The following FAM120A variants were observed in gnomAD, a reference collection of about 807,000 sequenced individuals.
FAM120A encodes the protein constitutive coactivator of PPAR-gamma-like protein 1.
FAM120A carries 15 observed loss-of-function variants against 109.7 expected under a neutral mutation model. That is an observed-to-expected ratio of 0.14 (90% confidence interval 0.09 to 0.21). The LOEUF (loss-of-function observed/expected upper bound fraction) is 0.21, where lower values mean the gene tolerates loss of function less well. Ranked by LOEUF, FAM120A falls within the 10% of genes least tolerant of loss-of-function variation. The probability of loss-of-function intolerance (pLI) is 1.00; values close to 1 mark genes in which losing one functional copy is unlikely to be tolerated. For missense variants in FAM120A, 899 were observed against 1,439.3 expected (o/e 0.62, Z 6.07); for synonymous variants, 493 against 572.8 (o/e 0.86, Z 1.99).
intron 5 of FAM120A, among the ~76,000 whole-genome samples, chr9:93,503,226 C>CTTGT (rs371223403): frequency 1.1e-4 from 17 of 152,276 alleles, no homozygotes; most frequent in African/African-American, 4.1e-4. Context: ...CCAAGTCATG[C>CTTGT]TTGTTGGTGT....
At chr9:93,527,071 G>A in intron 7 of FAM120A, 84 bp from the exon 8 acceptor site, 1 of 1,028,450 alleles carries the variant, frequency 9.7e-7, no homozygotes, top group Non-Finnish European at 1.5e-6. Context: ...TTATGAGCCT[G>A]AAGACTTAGC....
Position 93,562,237 on chromosome 9 carries a change from T to G in FAM120A, c.2978T>G (p.Val993Gly). 1 of 1,614,126 alleles carries G rather than the reference T, an allele frequency of 6.2e-7. No individual in the cohort carries two copies. Among genetic ancestry groups the G allele is most frequent in the Non-Finnish European group, 8.5e-7 (1 of 1,179,972 alleles). The change falls in exon 17 of 18, where the codon GTG becomes GGG. Residue 993 changes from valine (V) to glycine (G), a missense_variant. By Grantham distance (109) the Val-to-Gly change is moderately radical (BLOSUM62 -3). Around this residue, in one of 11 missense-constraint regions of FAM120A, gnomAD observed 170 missense variants for 205.0 expected, o/e 0.83. Transcript: ENST00000277165. The stretch of plus-strand genomic sequence containing the variant: ...CCAAGAGGAGTTATTTCCACCCCAG[T>G]GATTAGAACATTTGGAAGAGGTGGA... ...GRPRGVISTPVIRTFGRGGRY... is the reference protein window; with the variant it reads ...GRPRGVISTPGIRTFGRGGRY...
At chr9:93,528,705 A>G (rs948369472) in intron 8 of FAM120A, among the ~76,000 whole-genome samples, 1 of 152,112 alleles carries the variant, frequency 6.6e-6, no homozygotes, top group Non-Finnish European at 1.5e-5. Flanking sequence ...TTTTAATGGG[A>G]TTATGCTGTG....
At chr9:93,465,893 A>G (rs889477603) in intron 1 of FAM120A, among the ~76,000 whole-genome samples, 1 of 152,210 alleles carries the variant, frequency 6.6e-6, no homozygotes, top group African/African-American at 2.4e-5. Context: ...TCTGAGGAGT[A>G]CTAATCAGGT....
chr9:93,477,637 A>C (rs954315859), intron 3 of FAM120A, among the ~76,000 whole-genome samples: 1 of 152,200 alleles, frequency 6.6e-6, no homozygotes, highest in South Asian at 2.1e-4. Flanking sequence ...TCTGTTAAGC[A>C]TTATGCTTTT....
rs1861261399 is a variant in FAM120A at position 93,529,880 on chromosome 9, T to A, written c.1734+300T>A. 3 of 551,718 alleles carry A rather than the reference T, an allele frequency of 5.4e-6. No individual in the cohort carries two copies. The African/African-American group carries it at 5.7e-5, about 11-fold the overall frequency. 34.2% of individuals were successfully genotyped at this position (551,718 alleles called of 1,614,324 possible). On this transcript the variant is annotated intron_variant, in intron 9 of 17. Transcript: ENST00000277165. Reference sequence around the variant, plus strand: ...TGACTTGTAATTTTATTCTTTTTACTTCAATTTCAGAATTTTCTTAAACCA... The same window carrying A: ...TGACTTGTAATTTTATTCTTTTTACATCAATTTCAGAATTTTCTTAAACCA...
intron 12 of FAM120A, among the ~76,000 whole-genome samples, chr9:93,553,420 C>T (rs919141483): frequency 2.0e-5 from 3 of 152,070 alleles, no homozygotes; most frequent in Non-Finnish European, 4.4e-5. Flanking sequence ...GTCTGTGATA[C>T]GTGTAAGAAT....
intron 2 of FAM120A, among the ~76,000 whole-genome samples, chr9:93,471,973 C>T (rs1858331883): frequency 6.6e-6 from 1 of 152,104 alleles, no homozygotes; most frequent in Non-Finnish European, 1.5e-5. Flanking sequence ...TTTTAATTTT[C>T]TTTAATTAAA....
At chr9:93,563,611 C>T (rs1412127274) in intron 17 of FAM120A, among the ~76,000 whole-genome samples, 1 of 152,248 alleles carries the variant, frequency 6.6e-6, no homozygotes, top group Non-Finnish European at 1.5e-5. Context: ...AATTCAAGAT[C>T]TGTCTTCACT....
intron 9 of FAM120A, 48 bp downstream of exon 9, chr9:93,529,628 C>A: frequency 6.6e-7 from 1 of 1,520,702 alleles, no homozygotes; most frequent in Non-Finnish European, 9.1e-7. Context: ...TGATGAGTGG[C>A]CATTCCTATG....
rs549263493 is a variant in FAM120A at position 93,502,058 on chromosome 9, G to A, written c.1030+3172G>A. ...GAAATATTTTTATAAGTAGTAGATA[G>A]GTCCTAAGTGGTCTTTGGTGATCTG... On this transcript the variant is annotated intron_variant, in intron 5 of 17. Coordinates refer to ENST00000277165, the MANE Select transcript of FAM120A (RefSeq NM_014612.5). 1.2e-4 allele frequency among the ~76,000 whole-genome samples: 19 copies of A among 152,276 alleles called. 1 individual carries two copies. The highest frequency in any genetic ancestry group is 3.4e-3 in the Middle Eastern group (1 of 294).
At chr9:93,463,402 A>G (rs760746107) in intron 1 of FAM120A, among the ~76,000 whole-genome samples, 1 of 152,230 alleles carries the variant, frequency 6.6e-6, no homozygotes, top group Non-Finnish European at 1.5e-5. Context: ...TTATTCAGCT[A>G]TGATTTCAGC....
chr9:93,502,993 G>A (rs1437181378), intron 5 of FAM120A, among the ~76,000 whole-genome samples: 1 of 152,218 alleles, frequency 6.6e-6, no homozygotes, highest in Non-Finnish European at 1.5e-5. Flanking sequence ...AGGTGAAATT[G>A]AGGCTGAAGA....
chr9:93,559,856 G>C (rs1862412191), intron 15 of FAM120A, among the ~76,000 whole-genome samples: 1 of 152,176 alleles, frequency 6.6e-6, no homozygotes, highest in Non-Finnish European at 1.5e-5. Context: ...TCTTAAAATT[G>C]TGTCTGGAAC....
chr9:93,532,782 G>A lies in FAM120A; in HGVS notation c.1909+453G>A, dbSNP rs376858776. ...GTTTGTGCTGTTGGAGTGCCACCACGCATGGCTCTGCAGCTGTAGCGAAGG... is the reference window on the plus strand; with the variant it reads ...GTTTGTGCTGTTGGAGTGCCACCACACATGGCTCTGCAGCTGTAGCGAAGG... On this transcript the variant is annotated intron_variant, in intron 10 of 17. Coordinates refer to ENST00000277165, the MANE Select transcript of FAM120A (RefSeq NM_014612.5). This position sits in a 1 kb window ranked among gnomAD's most constrained non-coding sequence, Gnocchi z 4.3. Among the ~76,000 whole-genome samples the A allele has an allele frequency of 1.3e-5, 2 of 152,178 alleles. No homozygotes were observed. Among genetic ancestry groups the A allele is most frequent in the East Asian group, 1.9e-4 (1 of 5,194 alleles).
chr9:93,517,855 C>T (rs1279622539), intron 7 of FAM120A, among the ~76,000 whole-genome samples: 2 of 152,110 alleles, frequency 1.3e-5, no homozygotes, highest in Admixed American at 6.5e-5. Flanking sequence ...TTAGGATGAG[C>T]TGAACTTGGA....
intron 7 of FAM120A, among the ~76,000 whole-genome samples, chr9:93,526,606 G>A (rs1254423427): frequency 6.6e-6 from 1 of 151,638 alleles, no homozygotes; most frequent in African/African-American, 2.4e-5. Context: ...GTGCCATCTC[G>A]CTTTGCCTAG....
intron 7 of FAM120A, among the ~76,000 whole-genome samples, chr9:93,518,099 C>T (rs1860676517): frequency 6.6e-6 from 1 of 152,084 alleles, no homozygotes; most frequent in South Asian, 2.1e-4. Context: ...TATGAAGTGC[C>T]ATGAGGAATG....
At chr9:93,476,182 T>C (rs928685013) in intron 2 of FAM120A, 74 bp from the exon 3 acceptor site, 4 of 965,190 alleles carry the variant, frequency 4.1e-6, no homozygotes, top group Non-Finnish European at 6.6e-6. Flanking sequence ...TAGGTGACAA[T>C]ATGCAGCACT....
Sources: gnomAD v4.1 joint callset for allele counts (sites outside exome capture counted in the v4.1 genomes callset) on GRCh38, gnomAD v4.1.1 for gene constraint, gnomAD v4.1.1 regional missense constraint, Gnocchi (gnomAD v3.1) non-coding constraint, MANE v1.5 for transcripts, NCBI Gene and HGNC (gene_info 2026-07-23, HGNC 2026-07-21) for gene names.